Variants in NPIPB11 observed in about 807,000 individuals in gnomAD.
The protein encoded by NPIPB11 is nuclear pore complex interacting protein family member B11, also known as nuclear pore complex-interacting protein family member B11.
Under a neutral mutation model 32.8 loss-of-function variants are expected in NPIPB11, and 17 were observed. The ratio of observed to expected loss-of-function variants is 0.52; its 90% CI spans 0.35 to 0.78. The LOEUF (loss-of-function observed/expected upper bound fraction) is 0.78. NPIPB11 is among the 30% of genes least tolerant of loss of function. The pLI, the probability that NPIPB11 is intolerant of heterozygous loss-of-function variation, is 0.01. For missense variants in NPIPB11, 537 were observed against 1,000.4 expected, an observed-to-expected ratio of 0.54 and a Z score of 6.25; for synonymous variants, 209 against 398.4, an observed-to-expected ratio of 0.52 and a Z score of 5.66.
At chr16:29,399,670 C>A (rs1326970731) in intron 2 of NPIPB11, among the ~76,000 whole-genome samples, 1 of 151,964 alleles carries the variant, frequency 6.6e-6, no homozygotes, top group Non-Finnish European at 1.5e-5. Flanking sequence ...TGCACTCCAG[C>A]CTAGGAGACA....
intron 2 of NPIPB11, among the ~76,000 whole-genome samples, chr16:29,402,873 T>G (rs1428195326): frequency 7.9e-6 from 1 of 126,822 alleles, no homozygotes; most frequent in Non-Finnish European, 1.6e-5. Flanking sequence ...ATTGGACTTT[T>G]TGTAGACTAA....
intron 2 of NPIPB11, chr16:29,397,836 C>T (rs1963900391): frequency 1.0e-5 from 2 of 191,030 alleles, no homozygotes; most frequent in South Asian, 4.5e-5. Flanking sequence ...GGCTGTTGGG[C>T]ACCTGGAGGA....
At chr16:29,390,162 G>A in intron 4 of NPIPB11, 26 bp from the exon 5 acceptor site, 1 of 1,063,920 alleles carries the variant, frequency 9.4e-7, no homozygotes, top group Non-Finnish European at 1.4e-6. Flanking sequence ...GAGAGGAGAA[G>A]GTGAGAAACC....
At chr16:29,401,664 C>G (rs1345895967) in intron 2 of NPIPB11, among the ~76,000 whole-genome samples, 1 of 152,052 alleles carries the variant, frequency 6.6e-6, no homozygotes, top group Non-Finnish European at 1.5e-5. Context: ...GTGGATGTAC[C>G]CATGGGATTT....
At chr16:29,382,195 G>C (rs1963508767) in exon 8 of NPIPB11, 1 of 730,056 alleles carries the variant, frequency 1.4e-6, no homozygotes, top group Non-Finnish European at 2.2e-6. Flanking sequence ...GCTGAGGGTG[G>C]AGCTGAGGGT....
chr16:29,395,571 C>T (rs1687762476), intron 2 of NPIPB11, among the ~76,000 whole-genome samples: 1 of 126,060 alleles, frequency 7.9e-6, no homozygotes, highest in South Asian at 2.6e-4. Context: ...TAATACTTCT[C>T]TCTTGGATTA....
intron 2 of NPIPB11, among the ~76,000 whole-genome samples, chr16:29,402,661 C>T (rs1596685208): frequency 6.9e-6 from 1 of 145,056 alleles, no homozygotes; most frequent in South Asian, 2.3e-4. Context: ...CAAGATTGTG[C>T]CACTGCACTC....
rs529315150 is a variant in NPIPB11, at chr16:29,399,261, C to T, written c.120+4422G>A. ...TGCCCAAACTCACTCAGGCCTCTGG[C>T]AGCTGAAAACCACTGCTTTAAATCC... is the stretch of plus-strand genomic sequence containing the variant. On this transcript the variant is annotated intron_variant, in intron 2 of 7. Transcript: ENST00000524087. Among the ~76,000 whole-genome samples the T allele has an allele frequency of 3.3e-5, 5 of 152,096 alleles. No homozygotes were observed. The East Asian group carries it at 7.7e-4, about 23-fold the overall frequency.
chr16:29,397,045 G>A lies in NPIPB11; in HGVS notation c.121-2969C>T, dbSNP rs1451378955. ...CTAAAAATACAAAAATTAGCCAGGC[G>A]TTGTAATCTGAGCTACTCAGGAGGC... is the stretch of plus-strand genomic sequence containing the variant. On this transcript the variant is annotated intron_variant, in intron 2 of 7. Coordinates refer to ENST00000524087, the Ensembl canonical transcript of NPIPB11. Among the ~76,000 whole-genome samples the A allele has an allele frequency of 7.3e-5, 11 of 151,282 alleles. No individual in the cohort carries two copies. In the East Asian group the frequency reaches 1.2e-3, roughly 16 times the overall value.
intron 3 of NPIPB11, among the ~76,000 whole-genome samples, chr16:29,393,411 A>G (rs899264047): frequency 7.9e-5 from 12 of 151,948 alleles, no homozygotes; most frequent in African/African-American, 2.9e-4. Context: ...TAAATGGCCT[A>G]CATCTCCATC....
chr16:29,383,716 G>T lies in NPIPB11; in HGVS notation c.1216C>A (p.Pro406Thr), dbSNP rs1200770913. ...GTCTTGATATTATCATCTGCTGAGG[G>T]TGGAGCTGAGGGTGGAAGGGGAGTG... Residue 406 changes from proline to threonine, a missense_variant, in exon 8 of 8, where the codon CCC (proline) becomes ACC (threonine). Pro to Thr is a conservative substitution (Grantham distance 38, BLOSUM62 -1). Transcript: ENST00000524087. 3 of 373,206 alleles carry T rather than the reference G, an allele frequency of 8.0e-6. 1 individual carries two copies. The East Asian group carries it at 1.5e-4, about 18-fold the overall frequency. 23.1% of individuals were successfully genotyped at this position (373,206 alleles called of 1,614,324 possible). A position where few individuals can be genotyped will look rare whatever the true frequency, so the allele number is the denominator to read the frequency against.
chr16:29,405,477 A>C (rs1049164201), upstream of NPIPB11, among the ~76,000 whole-genome samples: 1 of 152,136 alleles, frequency 6.6e-6, no homozygotes, highest in Non-Finnish European at 1.5e-5. Flanking sequence ...AGCCGTCACC[A>C]CGTGTTAGTC....
chr16:29,402,254 T>G (rs1964008869), intron 2 of NPIPB11, among the ~76,000 whole-genome samples: 1 of 113,008 alleles, frequency 8.8e-6, no homozygotes, highest in South Asian at 4.2e-4. Flanking sequence ...TAATGCATAC[T>G]GATTGTCAAT....
chr16:29,392,183 G>A (rs1963738780), intron 3 of NPIPB11, among the ~76,000 whole-genome samples: 1 of 152,048 alleles, frequency 6.6e-6, no homozygotes, highest in African/African-American at 2.4e-5. Flanking sequence ...AGATTTCATA[G>A]GAAAGGTAGC....
intron 2 of NPIPB11, among the ~76,000 whole-genome samples, chr16:29,397,257 A>C (rs1963879477): frequency 1.3e-5 from 2 of 150,618 alleles, no homozygotes; most frequent in South Asian, 4.3e-4. Context: ...TAGAGACAAG[A>C]GTGCAGCGGG....
chr16:29,393,607 C>T (rs927873875), intron 3 of NPIPB11, among the ~76,000 whole-genome samples: 13 of 150,126 alleles, frequency 8.7e-5, no homozygotes, highest in Non-Finnish European at 1.9e-4. Context: ...AGCTTTCCTT[C>T]CACCCATACG....
chr16:29,397,205 A>T (rs1432530062), intron 2 of NPIPB11, among the ~76,000 whole-genome samples: 1 of 151,332 alleles, frequency 6.6e-6, no homozygotes, highest in Non-Finnish European at 1.5e-5. Context: ...AGATGACACA[A>T]ATCAAATGAC....
chr16:29,405,207 CT>C (rs1285753712), upstream of NPIPB11, among the ~76,000 whole-genome samples: 1 of 151,966 alleles, frequency 6.6e-6, no homozygotes, highest in Non-Finnish European at 1.5e-5. Flanking sequence ...GGAAAAAACC[CT>C]CAATTTCCTA....
At chr16:29,390,902 G>T (rs1405719530) in intron 3 of NPIPB11, among the ~76,000 whole-genome samples, 1 of 147,044 alleles carries the variant, frequency 6.8e-6, no homozygotes, top group Non-Finnish European at 1.5e-5. Flanking sequence ...GGAAAAGGTT[G>T]TGGTGAGCTG....
Sources: allele counts gnomAD v4.1 joint callset (sites outside exome capture counted in the v4.1 genomes callset), GRCh38; gene constraint gnomAD v4.1.1; transcripts MANE v1.5; gene names NCBI Gene and HGNC (gene_info 2026-07-23, HGNC 2026-07-21).